The following IMMP2L variants were observed in gnomAD, a reference collection of about 807,000 sequenced individuals.
The protein encoded by IMMP2L is inner mitochondrial membrane peptidase subunit 2.
In IMMP2L, 18 loss-of-function variants were observed where a neutral mutation model predicts 19.3. The observed-to-expected ratio is 0.93, with a 90% CI of 0.64 to 1.38. The LOEUF (loss-of-function observed/expected upper bound fraction) is 1.38, where lower values mean the gene tolerates loss of function less well. Among genes scored for constraint, IMMP2L ranks in the 40% most tolerant of loss-of-function variants. The probability of loss-of-function intolerance (pLI) is 0.00; values close to 1 mark genes in which losing one functional copy is unlikely to be tolerated. For missense variants in IMMP2L, 233 were observed against 218.2 expected (o/e 1.07, Z -0.43); for synonymous variants, 76 against 73.0 (o/e 1.04, Z -0.21).
chr7:111,268,660 G>A (rs868713053), intron 3 of IMMP2L, among the ~76,000 whole-genome samples: 7 of 128,830 alleles, frequency 5.4e-5, no homozygotes, highest in Admixed American at 4.8e-4. Flanking sequence ...TGGCATGAAC[G>A]GGGCTCACTA....
chr7:110,755,338 T>TA (rs1177634429), intron 5 of IMMP2L, among the ~76,000 whole-genome samples: 1 of 152,106 alleles, frequency 6.6e-6, no homozygotes, highest in Admixed American at 6.6e-5. Flanking sequence ...TAGCTGCCAT[T>TA]AGTAATTTCT....
At chr7:111,155,404 A>C (rs1157343091) in intron 3 of IMMP2L, among the ~76,000 whole-genome samples, 1 of 151,968 alleles carries the variant, frequency 6.6e-6, no homozygotes, top group East Asian at 1.9e-4. Context: ...AGAAATATTC[A>C]CTCTAAATAT....
chr7:111,527,036 T>C (rs758945255), intron 1 of IMMP2L, among the ~76,000 whole-genome samples: 2 of 152,144 alleles, frequency 1.3e-5, no homozygotes, highest in African/African-American at 2.4e-5. Context: ...CTCCATGTAG[T>C]CACTGGTCCC....
At chr7:110,854,871 C>G (rs954935616) in intron 5 of IMMP2L, among the ~76,000 whole-genome samples, 1 of 151,852 alleles carries the variant, frequency 6.6e-6, no homozygotes, top group African/African-American at 2.4e-5. Context: ...AGTGCCTAGA[C>G]TATATCTAAT....
chr7:111,035,142 T>C (rs1791209291), intron 3 of IMMP2L, among the ~76,000 whole-genome samples: 1 of 152,150 alleles, frequency 6.6e-6, no homozygotes, highest in African/African-American at 2.4e-5. Context: ...TAACTGCTTC[T>C]CCAAGCTTAC....
intron 1 of IMMP2L, among the ~76,000 whole-genome samples, chr7:111,549,940 CAAA>C (rs758510157): frequency 3.5e-5 from 3 of 86,804 alleles, no homozygotes; most frequent in African/African-American, 3.8e-5. Context: ...GACTCCGTGT[CAAA>C]AAAAAAAAAA....
intron 3 of IMMP2L, among the ~76,000 whole-genome samples, chr7:111,292,627 A>T (rs1379908478): frequency 6.6e-6 from 1 of 152,060 alleles, no homozygotes; most frequent in Non-Finnish European, 1.5e-5. Flanking sequence ...AAAGACTGTC[A>T]TCTAGAGAGT....
At chr7:111,421,522 G>A (rs1458467307) in intron 3 of IMMP2L, among the ~76,000 whole-genome samples, 2 of 151,254 alleles carry the variant, frequency 1.3e-5, no homozygotes, top group Admixed American at 6.6e-5. Flanking sequence ...CACCCGCCTC[G>A]GCCTCCCAAA....
rs10248659 is a variant in IMMP2L at position 110,919,803 on chromosome 7, C to T, written c.306-33108G>A. On this transcript the variant is annotated intron_variant, in intron 4 of 5. Coordinates refer to ENST00000405709, the MANE Select transcript of IMMP2L (RefSeq NM_032549.4). ...GGATTGAAGGATGCAAAATAGTGTTCCTGGGTGTGTCTGTGAGGGTGTTGC... is the reference window on the plus strand; with the variant it reads ...GGATTGAAGGATGCAAAATAGTGTTTCTGGGTGTGTCTGTGAGGGTGTTGC... Among the ~76,000 whole-genome samples the T allele has an allele frequency of 9.8e-3, 1,491 of 152,148 alleles. 21 individuals carry two copies. The highest frequency in any genetic ancestry group is 0.033 in the African/African-American group (1,378 of 41,490).
At chr7:110,669,646 T>C (rs1404128218) in intron 5 of IMMP2L, among the ~76,000 whole-genome samples, 1 of 152,198 alleles carries the variant, frequency 6.6e-6, no homozygotes, top group Non-Finnish European at 1.5e-5. Context: ...ACATACTGAC[T>C]CATTTAATTC....
intron 3 of IMMP2L, among the ~76,000 whole-genome samples, chr7:111,261,665 AAAG>A (rs1448489385): frequency 1.3e-5 from 2 of 152,174 alleles, no homozygotes; most frequent in African/African-American, 4.8e-5. Flanking sequence ...AATCCAGACT[AAAG>A]AAAATAAAGT....
At chr7:110,928,353 A>G (rs13230194) in intron 4 of IMMP2L, among the ~76,000 whole-genome samples, 2 of 17,734 alleles carry the variant, frequency 1.1e-4, no homozygotes, top group South Asian at 3.0e-3. Context: ...ATGTACCTGC[A>G]CACACACACA....
At chr7:110,695,241 T>C (rs73208720) in intron 5 of IMMP2L, among the ~76,000 whole-genome samples, 4,784 of 152,204 alleles carry the variant, frequency 0.031, 92 homozygotes, top group Middle Eastern at 0.095. Context: ...GCCCAGGCTG[T>C]AGTACAGTGG....
intron 3 of IMMP2L, among the ~76,000 whole-genome samples, chr7:111,238,729 A>C (rs550955091): frequency 1.3e-5 from 2 of 152,130 alleles, no homozygotes; most frequent in South Asian, 4.1e-4. Context: ...GTTACATAGA[A>C]AAATAGTTCT....
At chr7:111,488,118 G>C (rs189452386) in intron 2 of IMMP2L, among the ~76,000 whole-genome samples, 4 of 152,284 alleles carry the variant, frequency 2.6e-5, no homozygotes, top group Admixed American at 1.3e-4. Flanking sequence ...ACAAGCTTGA[G>C]GCAAGAACAG....
At chr7:111,054,671 G>A (rs1793330668) in intron 3 of IMMP2L, among the ~76,000 whole-genome samples, 1 of 152,126 alleles carries the variant, frequency 6.6e-6, no homozygotes. Flanking sequence ...GGAAAATATG[G>A]TCAGAGGAAC....
At chr7:110,800,096 T>C (rs1177352824) in intron 5 of IMMP2L, among the ~76,000 whole-genome samples, 1 of 152,112 alleles carries the variant, frequency 6.6e-6, no homozygotes, top group Non-Finnish European at 1.5e-5. Context: ...ATGGAATTCA[T>C]GCACTTGAAA....
At chr7:110,752,198 C>T (rs1053025928) in intron 5 of IMMP2L, among the ~76,000 whole-genome samples, 3 of 151,890 alleles carry the variant, frequency 2.0e-5, no homozygotes, top group Non-Finnish European at 4.4e-5. Flanking sequence ...CGGTCAGCTA[C>T]AAAGCATTAT....
intron 3 of IMMP2L, among the ~76,000 whole-genome samples, chr7:111,437,895 C>T (rs948332339): frequency 2.0e-5 from 3 of 151,846 alleles, no homozygotes; most frequent in African/African-American, 7.3e-5. Context: ...TGGCTGTGAA[C>T]AAATAATTAT....
Sources: gnomAD v4.1 joint callset for allele counts (sites outside exome capture counted in the v4.1 genomes callset) on GRCh38, gnomAD v4.1.1 for gene constraint, MANE v1.5 for transcripts, NCBI Gene and HGNC (gene_info 2026-07-23, HGNC 2026-07-21) for gene names.